IRAG2: variants seen among roughly 807,000 people sequenced by gnomAD.
IRAG2 encodes the protein inositol 1,4,5-triphosphate receptor associated 2, also known as lymphoid restricted membrane protein.
IRAG2 carries 45 observed loss-of-function variants against 69.9 expected under a neutral mutation model. The observed-to-expected ratio is 0.64, with a 90% CI of 0.51 to 0.83. The LOEUF is 0.83. Ranked by LOEUF, IRAG2 falls within the 40% of genes least tolerant of loss-of-function variation. IRAG2 has a pLI of 0.00. For synonymous variants in IRAG2, 193 were observed against 202.4 expected (o/e 0.95, Z 0.40); for missense variants, 520 against 587.0 (o/e 0.89, Z 1.18).
intron 9 of IRAG2, among the ~76,000 whole-genome samples, chr12:25,082,247 T>G (rs530449495): frequency 6.6e-6 from 1 of 152,242 alleles, no homozygotes; most frequent in African/African-American, 2.4e-5. Flanking sequence ...GTAAAACATT[T>G]TTACGCTTTT....
intron 5 of IRAG2, 112 bp downstream of exon 5, chr12:25,066,624 G>A (rs1020530806): frequency 2.0e-5 from 8 of 394,230 alleles, no homozygotes; most frequent in South Asian, 1.4e-4. Context: ...CTTTATTGTC[G>A]AACTTCTCTA....
intron 5 of IRAG2, among the ~76,000 whole-genome samples, chr12:25,066,867 C>G (rs895927583): frequency 1.3e-5 from 2 of 151,970 alleles, no homozygotes; most frequent in African/African-American, 4.8e-5. Flanking sequence ...CCAGGCTGGT[C>G]TCGAACTCTT....
At chr12:25,077,316 T>TATGAGATATATATGA (rs1343887698) in intron 6 of IRAG2, among the ~76,000 whole-genome samples, 1 of 52,436 alleles carries the variant, frequency 1.9e-5, no homozygotes. Context: ...ATGATATATA[T>TATGAGATATATATGA]GATATATATA....
intron 9 of IRAG2, chr12:25,030,182 G>GTAC: frequency 1.3e-6 from 1 of 744,376 alleles, no homozygotes; most frequent in Non-Finnish European, 1.8e-6. Flanking sequence ...GCATGTTAAA[G>GTAC]GTGCTTCAGA....
At chr12:25,041,413 T>C (rs539138798) in intron 16 of IRAG2, among the ~76,000 whole-genome samples, 13 of 152,338 alleles carry the variant, frequency 8.5e-5, no homozygotes, top group African/African-American at 3.1e-4. Context: ...AAAGATCTGC[T>C]GGATGAAGAA....
rs563905068 is a variant in IRAG2 at position 25,011,092 on chromosome 12, A to G, written c.689-252A>G. 5.9e-5 allele frequency among the ~76,000 whole-genome samples: 9 copies of G among 152,334 alleles called. No homozygotes were observed. In the South Asian group the frequency reaches 1.7e-3, roughly 28 times the overall value. On this transcript the variant is annotated intron_variant, in intron 2 of 38. Coordinates refer to the IRAG2 transcript ENST00000636465. ...AACCTCGCAACTCTGTGTGATAGGT[A>G]TCATCGTCCCCATCTCAGATAAAGA...
chr12:25,043,249 A>G (rs529637813), intron 16 of IRAG2, among the ~76,000 whole-genome samples: 117 of 152,318 alleles, frequency 7.7e-4, no homozygotes, highest in African/African-American at 2.7e-3. Flanking sequence ...GCGCCACGCC[A>G]ATGGAAAGAA....
chr12:25,001,543 C>T (rs1373270013), upstream of IRAG2, among the ~76,000 whole-genome samples: 1 of 152,126 alleles, frequency 6.6e-6, no homozygotes, highest in Non-Finnish European at 1.5e-5. Flanking sequence ...GAACATTAAT[C>T]TAGGTCAGTT....
chr12:25,045,328 A>G (rs1026471964), intron 16 of IRAG2, among the ~76,000 whole-genome samples: 2 of 152,076 alleles, frequency 1.3e-5, no homozygotes, highest in Non-Finnish European at 2.9e-5. Context: ...CTAACTTTTT[A>G]CACTTCAATG....
intron 3 of IRAG2, among the ~76,000 whole-genome samples, chr12:25,014,568 A>C (rs1194171638): frequency 1.3e-5 from 2 of 152,062 alleles, no homozygotes; most frequent in Non-Finnish European, 2.9e-5. Flanking sequence ...TTGAAATGTT[A>C]ATATGTTTAT....
At position 25,052,733 on chromosome 12, in the gene IRAG2, A is replaced by G. The variant is rs2139883815; in HGVS notation, c.-670A>G. 1 of 398,498 alleles carries G rather than the reference A, an allele frequency of 2.5e-6. No homozygotes were observed. Among genetic ancestry groups the G allele is most frequent in the African/African-American group, 2.1e-5 (1 of 48,748 alleles). 24.7% of individuals were successfully genotyped at this position (398,498 alleles called of 1,614,324 possible). On this transcript the variant is annotated 5_prime_UTR_variant, in exon 1 of 22. Coordinates refer to ENST00000556887, the MANE Select transcript of IRAG2 (RefSeq NM_001366544.2). ...TTTTGCCTGCATCATAAGAGTGAGC[A>G]CTCCATTGCTTTCTTTCCTGGCCAC...
intron 21 of IRAG2, 22 bp from the exon 22 acceptor site, chr12:25,107,795 T>C: frequency 6.3e-7 from 1 of 1,597,380 alleles, no homozygotes; most frequent in Non-Finnish European, 8.6e-7. Flanking sequence ...ATTACCAAAT[T>C]CTATTTGTGT....
At chr12:25,071,842 G>A (rs976488342) in intron 6 of IRAG2, among the ~76,000 whole-genome samples, 2 of 151,060 alleles carry the variant, frequency 1.3e-5, no homozygotes, top group African/African-American at 4.9e-5. Flanking sequence ...TATCTAAAAG[G>A]ACCTCCATAT....
At chr12:25,082,912 T>G (rs1240571318) in intron 9 of IRAG2, among the ~76,000 whole-genome samples, 3 of 152,128 alleles carry the variant, frequency 2.0e-5, no homozygotes, top group Non-Finnish European at 4.4e-5. Flanking sequence ...TAAACAGAAA[T>G]TACCAAAAGG....
intron 6 of IRAG2, 37 bp from the exon 7 acceptor site, chr12:25,079,207 A>G (rs757169024): frequency 1.2e-6 from 2 of 1,610,508 alleles, no homozygotes; most frequent in Non-Finnish European, 1.7e-6. Context: ...GAAAATGTCA[A>G]ATTGTTGAAC....
At chr12:25,091,587 A>G (rs1017276040) in intron 14 of IRAG2, among the ~76,000 whole-genome samples, 1 of 152,168 alleles carries the variant, frequency 6.6e-6, no homozygotes, top group Non-Finnish European at 1.5e-5. Context: ...AGACCCTTGG[A>G]GACCTTGCTT....
chr12:25,091,979 T>A, intron 14 of IRAG2, among the ~76,000 whole-genome samples: 1 of 152,186 alleles, frequency 6.6e-6, no homozygotes, highest in Non-Finnish European at 1.5e-5. Flanking sequence ...AAAAGTACAG[T>A]TTCAGGGCTG....
chr12:25,063,051 G>A (rs1945727198), intron 3 of IRAG2, among the ~76,000 whole-genome samples, 151 bp downstream of exon 3: 2 of 152,232 alleles, frequency 1.3e-5, no homozygotes, highest in South Asian at 4.1e-4. Context: ...ACAGATACGT[G>A]TTTTTGTAAA....
intron 5 of IRAG2, among the ~76,000 whole-genome samples, chr12:25,068,498 T>C (rs1012674150): frequency 8.5e-5 from 13 of 152,236 alleles, no homozygotes; most frequent in East Asian, 3.9e-4. Context: ...TCATTGGCCA[T>C]TGGTGATCAC....
Sources: allele counts gnomAD v4.1 joint callset (sites outside exome capture counted in the v4.1 genomes callset), GRCh38; gene constraint gnomAD v4.1.1; transcripts MANE v1.5; gene names NCBI Gene and HGNC (gene_info 2026-07-23, HGNC 2026-07-21).